The following PCDHA5 variants were observed in gnomAD, a reference collection of about 807,000 sequenced individuals.
PCDHA5 encodes the protein protocadherin alpha-5.
In PCDHA5, 43 loss-of-function variants were observed where a neutral mutation model predicts 61.6. That is an observed-to-expected ratio of 0.70 (90% confidence interval 0.55 to 0.90). The LOEUF (loss-of-function observed/expected upper bound fraction) is 0.90, where lower values mean the gene tolerates loss of function less well. Among genes scored for constraint, PCDHA5 ranks in the 40% least tolerant of loss-of-function variants. PCDHA5 has a pLI of 0.00. For synonymous variants in PCDHA5, 627 were observed against 543.9 expected, an observed-to-expected ratio of 1.15 and a Z score of -2.13; for missense variants, 1,298 against 1,222.7, an observed-to-expected ratio of 1.06 and a Z score of -0.92.
chr5:140,876,356 T>C, intron 1 of PCDHA5: 1 of 1,613,964 alleles, frequency 6.2e-7, no homozygotes. Flanking sequence ...ATGTTTTCAA[T>C]AAATCCAGAC....
intron 1 of PCDHA5, chr5:140,835,707 T>C: frequency 6.2e-7 from 1 of 1,613,858 alleles, no homozygotes; most frequent in Non-Finnish European, 8.5e-7. Context: ...TGCTAGCGTG[T>C]CCGTGGAGGT....
intron 1 of PCDHA5, chr5:140,859,894 C>T (rs930000447): frequency 6.6e-6 from 1 of 151,852 alleles, no homozygotes; most frequent in Non-Finnish European, 1.5e-5. Context: ...GAAAAAAAAT[C>T]TTCCTTAATG....
At chr5:140,858,464 T>C in intron 1 of PCDHA5, 6 of 1,523,496 alleles carry the variant, frequency 3.9e-6, no homozygotes, top group South Asian at 1.2e-5. Context: ...CATTTTCCTT[T>C]TGTGCTTTAT....
At chr5:140,854,883 G>A (rs1356000756) in intron 1 of PCDHA5, among the ~76,000 whole-genome samples, 2 of 149,592 alleles carry the variant, frequency 1.3e-5, no homozygotes, top group Admixed American at 1.3e-4. Flanking sequence ...TGTCTTTTGG[G>A]CATTTGAAAA....
At chr5:140,877,522 G>T in intron 1 of PCDHA5, 1 of 1,613,798 alleles carries the variant, frequency 6.2e-7, no homozygotes, top group Non-Finnish European at 8.5e-7. Context: ...GCGGGCCTCA[G>T]TGGGCGCTGT....
rs1202814862 is a variant in PCDHA5 at position 140,851,185 on chromosome 5, A to C, written c.2352+27058A>C. On this transcript the variant is annotated intron_variant, in intron 1 of 3. Transcript: ENST00000529859. ...ATGCTGCCATAACACTTGAAAACCA[A>C]TTTAGTTGTTAGTCATTCATTAAAC... The C allele has an allele frequency of 2.4e-6, 3 of 1,237,650 alleles. No individual in the cohort carries two copies. In the African/African-American group the frequency reaches 4.7e-5, roughly 19 times the overall value. The allele number at this position is 1,237,650 out of a possible 1,614,324, so 76.7% of individuals were successfully genotyped here.
chr5:140,974,553 C>G (rs1554236197), intron 1 of PCDHA5, among the ~76,000 whole-genome samples: 1 of 151,870 alleles, frequency 6.6e-6, no homozygotes, highest in African/African-American at 2.4e-5. Context: ...CTCTTGTTGC[C>G]CAGGCTGGAG....
chr5:140,932,016 G>A lies in PCDHA5; in HGVS notation c.2353-46933G>A, dbSNP rs73266047. Among the ~76,000 whole-genome samples, 510 of 151,544 alleles carry A rather than the reference G, an allele frequency of 3.4e-3. 2 individuals carry two copies. Among genetic ancestry groups the A allele is most frequent in the African/African-American group, 0.012 (481 of 41,364 alleles). ...TCTAAGTTCTTTCATTTTAGTTTAC[G>A]GTAAGTTTACAGTATATATTAACAT... On this transcript the variant is annotated intron_variant, in intron 1 of 3. Transcript: ENST00000529859.
At chr5:140,941,191 T>TCTTTC (rs1554213808) in intron 1 of PCDHA5, among the ~76,000 whole-genome samples, 2 of 93,206 alleles carry the variant, frequency 2.1e-5, no homozygotes, top group South Asian at 5.6e-4. Flanking sequence ...GCTTCTTTTT[T>TCTTTC]TTTCTTTCTT....
rs139863676 is a variant in PCDHA5, at chr5:140,843,172, C to T, written c.2352+19045C>T. ...ATGAGCTGCAGCCAGCTGCAAGCAG[C>T]CCTCGCATCCCGTTCCGCGTGGGGC... On this transcript the variant is annotated intron_variant, in intron 1 of 3. Transcript: ENST00000529859. 15,808 of 1,596,034 alleles carry T rather than the reference C, an allele frequency of 9.9e-3. 1,621 individuals are homozygous for T. Among genetic ancestry groups the T allele is most frequent in the Non-Finnish European group, 0.012 (14,321 of 1,165,582 alleles).
At chr5:140,836,986 CTT>C (rs1370800263) in intron 1 of PCDHA5, 2 of 355,684 alleles carry the variant, frequency 5.6e-6, no homozygotes, top group Non-Finnish European at 9.9e-6. Context: ...TGGAGGAGGA[CTT>C]TGCTAACTGG....
chr5:140,887,025 T>G (rs1352119867), intron 1 of PCDHA5, among the ~76,000 whole-genome samples: 3 of 152,076 alleles, frequency 2.0e-5, no homozygotes, highest in Non-Finnish European at 4.4e-5. Context: ...CCTGAAAAAT[T>G]TCTTTAATAT....
chr5:140,869,722 G>A, intron 1 of PCDHA5: 2 of 1,613,324 alleles, frequency 1.2e-6, no homozygotes, highest in Non-Finnish European at 1.7e-6. Flanking sequence ...GAAAACTCCG[G>A]AACTTAATTT....
At chr5:140,837,472 C>T (rs1775069737) in intron 1 of PCDHA5, among the ~76,000 whole-genome samples, 1 of 151,298 alleles carries the variant, frequency 6.6e-6, no homozygotes, top group South Asian at 2.1e-4. Flanking sequence ...CTCCTCAAAC[C>T]CCAAACCATT....
rs2150461190 is a variant in PCDHA5 at position 140,849,977 on chromosome 5, G to C, written c.2352+25850G>C. On this transcript the variant is annotated intron_variant, in intron 1 of 3. Coordinates refer to ENST00000529859, the MANE Select transcript of PCDHA5 (RefSeq NM_018908.3). ...AGAACGCCCTGGTGTCCTACTCGCT[G>C]GTGGAGCGGCGGTTGGGCGAGCGCT... 2.2e-5 allele frequency: 35 copies of C among 1,597,540 alleles called. 4 individuals are homozygous for C. The highest frequency in any genetic ancestry group is 3.0e-5 in the Non-Finnish European group (35 of 1,167,900).
intron 1 of PCDHA5, chr5:140,966,342 T>G: frequency 2.5e-6 from 1 of 395,470 alleles, no homozygotes; most frequent in Non-Finnish European, 4.4e-6. Flanking sequence ...AGGTCCAGGG[T>G]GAAGGAGATG....
intron 1 of PCDHA5, among the ~76,000 whole-genome samples, chr5:140,904,500 T>C (rs1454204932): frequency 6.6e-6 from 1 of 151,976 alleles, no homozygotes; most frequent in African/African-American, 2.4e-5. Flanking sequence ...ATTTTTACAA[T>C]TGTGAATTGT....
intron 3 of PCDHA5, among the ~76,000 whole-genome samples, chr5:140,997,106 C>T (rs2153943751): frequency 6.6e-6 from 1 of 152,162 alleles, no homozygotes; most frequent in South Asian, 2.1e-4. Context: ...CTCATGCACT[C>T]CTGCTCTCCC....
chr5:140,968,035 G>A, intron 1 of PCDHA5: 1 of 1,614,184 alleles, frequency 6.2e-7, no homozygotes, highest in South Asian at 1.1e-5. Flanking sequence ...CACTGGTGGT[G>A]AGCGGCCCAC....
Sources: allele counts gnomAD v4.1 joint callset (sites outside exome capture counted in the v4.1 genomes callset), GRCh38; gene constraint gnomAD v4.1.1; transcripts MANE v1.5; gene names NCBI Gene and HGNC (gene_info 2026-07-23, HGNC 2026-07-21).